Variants in PCDHGA8 observed in about 807,000 individuals in gnomAD.
The protein encoded by PCDHGA8 is protocadherin gamma subfamily A, 8.
PCDHGA8 carries 45 observed loss-of-function variants against 59.2 expected under a neutral mutation model. That is an observed-to-expected ratio of 0.76 (90% CI 0.60 to 0.98). The LOEUF is 0.98. Among genes scored for constraint, PCDHGA8 ranks in the 50% least tolerant of loss-of-function variants. PCDHGA8 has a pLI of 0.00. For missense variants in PCDHGA8, 1,257 were observed against 1,196.2 expected, an observed-to-expected ratio of 1.05 and a Z score of -0.75; for synonymous variants, 531 against 519.0, an observed-to-expected ratio of 1.02 and a Z score of -0.32.
chr5:141,421,272 G>A, intron 1 of PCDHGA8: 1 of 1,612,340 alleles, frequency 6.2e-7, no homozygotes, highest in Non-Finnish European at 8.5e-7. Context: ...GGCTGCTGCT[G>A]CTGCTGTGCA....
chr5:141,507,344 AT>A (rs1345461058), intron 3 of PCDHGA8: 5 of 152,206 alleles, frequency 3.3e-5, no homozygotes, highest in Non-Finnish European at 5.9e-5. Context: ...TTTACCTGAA[AT>A]TCAAATTTAA....
chr5:141,427,381 T>G (rs1315804574), intron 1 of PCDHGA8: 1 of 458,822 alleles, frequency 2.2e-6, no homozygotes, highest in Middle Eastern at 3.2e-4. Context: ...GTGATCACTC[T>G]GTTCAAAACA....
At chr5:141,501,881 C>T (rs1396427606) in intron 2 of PCDHGA8, among the ~76,000 whole-genome samples, 1 of 152,124 alleles carries the variant, frequency 6.6e-6, no homozygotes, top group East Asian at 1.9e-4. Context: ...CCTTACACTC[C>T]TGATCATCAT....
chr5:141,409,748 G>C, intron 1 of PCDHGA8: 2 of 1,613,018 alleles, frequency 1.2e-6, no homozygotes, highest in South Asian at 2.2e-5. Context: ...GGTGGTGTTC[G>C]CGCAGCGCGC....
chr5:141,461,072 A>G (rs555905734), intron 1 of PCDHGA8, among the ~76,000 whole-genome samples: 2 of 151,574 alleles, frequency 1.3e-5, no homozygotes, highest in Non-Finnish European at 2.9e-5. Flanking sequence ...ACATTTTTGC[A>G]ATTGTGAATT....
At chr5:141,469,674 A>G (rs532726373) in intron 1 of PCDHGA8, among the ~76,000 whole-genome samples, 23 of 152,380 alleles carry the variant, frequency 1.5e-4, no homozygotes, top group Non-Finnish European at 2.2e-4. Flanking sequence ...TAATAAAACT[A>G]CATATGCATT....
chr5:141,416,441 T>C (rs2096024396), intron 1 of PCDHGA8: 1 of 152,162 alleles, frequency 6.6e-6, no homozygotes, highest in Non-Finnish European at 1.5e-5. Flanking sequence ...TGAAAGTAAA[T>C]ATGGGTTGGG....
In PCDHGA8 at chr5:141,393,559, T is replaced by A. The variant is rs1349401032; in HGVS notation, c.746T>A (p.Val249Glu). Residue 249 changes from valine (V) to glutamate (E), a missense_variant, in exon 1 of 4, where the codon GTG (valine) becomes GAG (glutamate). By Grantham distance (121) the Val-to-Glu change is moderately radical. Transcript: ENST00000398604. ...APVFPHPIYR[V>E]KVLENMPPGT... ...GTTTTTCCTCACCCGATTTACCGAG[T>A]GAAAGTCCTTGAGAACATGCCCCCA... 1 of 1,613,814 alleles carries A rather than the reference T, an allele frequency of 6.2e-7. No individual in the cohort carries two copies. Among genetic ancestry groups the A allele is most frequent in the Non-Finnish European group, 8.5e-7 (1 of 1,179,874 alleles).
At position 141,490,591 on chromosome 5, in the gene PCDHGA8, G is replaced by A; in HGVS notation, c.2425-4216G>A. 1 of 1,614,100 alleles carries A rather than the reference G, an allele frequency of 6.2e-7. No homozygotes were observed. Among genetic ancestry groups the A allele is most frequent in the African/African-American group, 1.3e-5 (1 of 75,016 alleles). ...CAACATTTCAGATGTCAATGACAAT[G>A]CACCCCGCTTCAACCAGCAGCTTTA... On this transcript the variant is annotated intron_variant, in intron 1 of 3. Coordinates refer to ENST00000398604, the MANE Select transcript of PCDHGA8 (RefSeq NM_032088.2). This position sits in a 1 kb window ranked among gnomAD's most constrained non-coding sequence, Gnocchi z 5.4.
At chr5:141,501,606 G>A (rs2099810134) in intron 2 of PCDHGA8, among the ~76,000 whole-genome samples, 1 of 152,012 alleles carries the variant, frequency 6.6e-6, no homozygotes, top group African/African-American at 2.4e-5. Flanking sequence ...AGTTCCAGCT[G>A]TGTGACTCTG....
At chr5:141,503,745 G>A (rs1377110427) in intron 2 of PCDHGA8, among the ~76,000 whole-genome samples, 3 of 152,220 alleles carry the variant, frequency 2.0e-5, no homozygotes, top group South Asian at 2.1e-4. Flanking sequence ...ATGGTATAGA[G>A]GTCACACATG....
chr5:141,436,875 A>C (rs1182313546), intron 1 of PCDHGA8, among the ~76,000 whole-genome samples: 3 of 152,236 alleles, frequency 2.0e-5, no homozygotes, highest in African/African-American at 7.2e-5. Context: ...TTAGGCCATA[A>C]AAGATGGGGG....
At chr5:141,413,708 C>G in intron 1 of PCDHGA8, 1 of 1,613,664 alleles carries the variant, frequency 6.2e-7, no homozygotes, top group African/African-American at 1.3e-5. Flanking sequence ...CAGCTCAGCC[C>G]CAATAAGCAC....
At chr5:141,434,080 A>G (rs775751994) in intron 1 of PCDHGA8, among the ~76,000 whole-genome samples, 2 of 152,042 alleles carry the variant, frequency 1.3e-5, no homozygotes, top group Non-Finnish European at 2.9e-5. Flanking sequence ...TCAATTATTT[A>G]TTTTGATGCT....
intron 1 of PCDHGA8, chr5:141,396,465 C>T (rs1471669939): frequency 6.6e-6 from 1 of 152,072 alleles, no homozygotes; most frequent in African/African-American, 2.4e-5. Flanking sequence ...CTAAAAACTA[C>T]AAAAATTAGC....
intron 1 of PCDHGA8, among the ~76,000 whole-genome samples, chr5:141,429,416 T>A (rs527999196): frequency 6.6e-6 from 1 of 152,230 alleles, no homozygotes; most frequent in Admixed American, 6.5e-5. Flanking sequence ...GGTCTCATTA[T>A]GTTGCCCAGG....
chr5:141,414,568 A>G (rs1349020199), intron 1 of PCDHGA8: 2 of 1,613,914 alleles, frequency 1.2e-6, no homozygotes, highest in South Asian at 1.1e-5. Context: ...CTTTACCTAT[A>G]TCCCAGAGAA....
Position 141,454,796 on chromosome 5 carries a change from A to ATTT in PCDHGA8, c.2425-39984_2425-39982dup, listed in dbSNP as rs61612330. 3.3e-3 allele frequency among the ~76,000 whole-genome samples: 253 copies of ATTT among 77,450 alleles called. 31 individuals carry two copies. The highest frequency in any genetic ancestry group is 0.02 in the South Asian group (39 of 1,960). The allele number at this position is 77,450 out of a possible 152,430, so 50.8% of individuals were successfully genotyped here. ...AAGGAAATAATCCTCCATGGTTCTA[A>ATTT]TTTTTTTTTTTTTTTTTTTTTTTTT... On this transcript the variant is annotated intron_variant, in intron 1 of 3. Coordinates refer to ENST00000398604, the MANE Select transcript of PCDHGA8 (RefSeq NM_032088.2).
At chr5:141,426,680 T>TC in intron 1 of PCDHGA8, 1 of 431,452 alleles carries the variant, frequency 2.3e-6, no homozygotes, top group South Asian at 1.6e-5. Context: ...CACCTCATTT[T>TC]CCCCAAAATA....
Sources: gnomAD v4.1 joint callset for allele counts (sites outside exome capture counted in the v4.1 genomes callset) on GRCh38, gnomAD v4.1.1 for gene constraint, Gnocchi (gnomAD v3.1) non-coding constraint, MANE v1.5 for transcripts, NCBI Gene and HGNC (gene_info 2026-07-23, HGNC 2026-07-21) for gene names.